Variants in SLC25A48 observed in about 807,000 individuals in gnomAD.
The protein encoded by SLC25A48 is solute carrier family 25 member 48, also known as CTC-321K16.1.
A neutral mutation model predicts 32.2 loss-of-function variants in SLC25A48; 29 were observed. The observed-to-expected ratio is 0.90, with a 90% CI of 0.67 to 1.23. The LOEUF is 1.23. Ranked by LOEUF, SLC25A48 falls within the 50% of genes most tolerant of loss-of-function variation. The pLI, the probability that SLC25A48 is intolerant of heterozygous loss-of-function variation, is 0.00. For missense variants in SLC25A48, 399 were observed against 422.7 expected (o/e 0.94, Z 0.49); for synonymous variants, 164 against 172.3 (o/e 0.95, Z 0.38).
rs1754605786 is a variant in SLC25A48 at position 135,709,623 on chromosome 5, G to A, written c.-521+74667G>A. ...CTGCTACGACAAGAAGCACAGCATG[G>A]TGTCTAAAGGGCAGGGTTATTGGAG... is the stretch of plus-strand genomic sequence containing the variant. On this transcript the variant is annotated intron_variant, in intron 3 of 10. Coordinates refer to the SLC25A48 transcript ENST00000646290. 1.3e-5 allele frequency among the ~76,000 whole-genome samples: 2 copies of A among 152,206 alleles called. 1 individual carries two copies. Among genetic ancestry groups the A allele is most frequent in the African/African-American group, 4.8e-5 (2 of 41,446 alleles).
chr5:135,585,769 A>G (rs1036842480), intron 1 of SLC25A48, among the ~76,000 whole-genome samples: 6 of 151,846 alleles, frequency 4.0e-5, no homozygotes, highest in Non-Finnish European at 7.4e-5. Flanking sequence ...AAAGAAGATA[A>G]TAATAATAAT....
At chr5:135,589,486 G>A (rs1406762422) in intron 1 of SLC25A48, among the ~76,000 whole-genome samples, 1 of 152,162 alleles carries the variant, frequency 6.6e-6, no homozygotes. Context: ...ATGCTGAAGG[G>A]CCAAGGCCCT....
chr5:135,769,629 T>A (rs1756348332), intron 3 of SLC25A48, among the ~76,000 whole-genome samples: 2 of 151,674 alleles, frequency 1.3e-5, no homozygotes. Flanking sequence ...GTTCATAATA[T>A]CCAGTTGGGT....
intron 3 of SLC25A48, among the ~76,000 whole-genome samples, chr5:135,675,994 C>G (rs549170086): frequency 6.6e-6 from 1 of 151,612 alleles, no homozygotes; most frequent in Non-Finnish European, 1.5e-5. Flanking sequence ...TTATTGATTT[C>G]TTTCTTAGCT....
At chr5:135,737,475 A>G (rs2126997343) in intron 3 of SLC25A48, among the ~76,000 whole-genome samples, 1 of 152,360 alleles carries the variant, frequency 6.6e-6, no homozygotes, top group Non-Finnish European at 1.5e-5. Context: ...TCTTGGGCTC[A>G]GAGACCTGAC....
intron 4 of SLC25A48, among the ~76,000 whole-genome samples, chr5:135,869,901 G>GTT (rs1022075110): frequency 6.6e-5 from 10 of 152,158 alleles, no homozygotes; most frequent in Non-Finnish European, 1.3e-4. Flanking sequence ...TATGGCAGGG[G>GTT]TTTACTCCCT....
At chr5:135,719,513 A>G (rs527622498) in intron 3 of SLC25A48, among the ~76,000 whole-genome samples, 1 of 152,182 alleles carries the variant, frequency 6.6e-6, no homozygotes, top group South Asian at 2.1e-4. Context: ...GTGGGGGGAC[A>G]CCAGGAGAGA....
chr5:135,856,960 G>C (rs987971991), intron 4 of SLC25A48, among the ~76,000 whole-genome samples: 1 of 152,194 alleles, frequency 6.6e-6, no homozygotes, highest in Non-Finnish European at 1.5e-5. Flanking sequence ...AAAAGGCTCA[G>C]CAATGAGGCT....
At chr5:135,637,719 G>A (rs1561769285) in intron 3 of SLC25A48, among the ~76,000 whole-genome samples, 2 of 152,242 alleles carry the variant, frequency 1.3e-5, no homozygotes, top group South Asian at 2.1e-4. Context: ...GGTGGGTTAG[G>A]GGGCTCAACC....
At chr5:135,882,914 C>T (rs1379817269) in intron 7 of SLC25A48, 2 of 282,608 alleles carry the variant, frequency 7.1e-6, no homozygotes, top group African/African-American at 2.3e-5. Flanking sequence ...TTTCAAATAG[C>T]CCCGGCAACC....
chr5:135,840,585 A>C (rs995822604), intron 1 of SLC25A48, among the ~76,000 whole-genome samples: 23 of 152,306 alleles, frequency 1.5e-4, no homozygotes, highest in African/African-American at 5.1e-4. Flanking sequence ...ACCTCTTCCC[A>C]GTCCTGGCAA....
At chr5:135,597,753 T>C (rs1751688490) in intron 1 of SLC25A48, among the ~76,000 whole-genome samples, 1 of 152,128 alleles carries the variant, frequency 6.6e-6, no homozygotes, top group African/African-American at 2.4e-5. Flanking sequence ...CCTATAACAC[T>C]AGTACTTTAG....
At chr5:135,694,549 C>A (rs1393184535) in intron 3 of SLC25A48, among the ~76,000 whole-genome samples, 2 of 152,216 alleles carry the variant, frequency 1.3e-5, no homozygotes, top group East Asian at 3.9e-4. Flanking sequence ...TCATTAGCCA[C>A]GTGGAAGCCA....
chr5:135,870,472 G>A (rs897313377), intron 4 of SLC25A48, among the ~76,000 whole-genome samples: 1 of 152,128 alleles, frequency 6.6e-6, no homozygotes, highest in East Asian at 1.9e-4. Flanking sequence ...CTGGCTATGT[G>A]CACCCCTAGA....
At chr5:135,742,576 G>T (rs1755524272) in intron 3 of SLC25A48, 2 of 1,233,580 alleles carry the variant, frequency 1.6e-6, no homozygotes, top group South Asian at 1.3e-5. Context: ...TTTTCTCTTT[G>T]ATTTCCTCTA....
intron 1 of SLC25A48, among the ~76,000 whole-genome samples, chr5:135,836,969 CACCCCCCCCCCCCA>C (rs748453247): frequency 9.4e-5 from 2 of 21,324 alleles, no homozygotes; most frequent in Admixed American, 3.8e-4. Context: ...TCCCCCCCCC[CACCCCCCCCCCCCA>C]CACACACACA....
chr5:135,716,522 C>A (rs941845947), intron 3 of SLC25A48, among the ~76,000 whole-genome samples: 1 of 151,988 alleles, frequency 6.6e-6, no homozygotes, highest in African/African-American at 2.4e-5. Context: ...GCTCTCACTG[C>A]GGATCATTTC....
At chr5:135,800,301 C>A (rs1014310767) in intron 3 of SLC25A48, among the ~76,000 whole-genome samples, 4 of 151,550 alleles carry the variant, frequency 2.6e-5, no homozygotes, top group African/African-American at 9.7e-5. Flanking sequence ...GTGTACAGCC[C>A]GCTTGTGGTA....
intron 4 of SLC25A48, among the ~76,000 whole-genome samples, chr5:135,867,178 G>A (rs1247980777): frequency 1.3e-5 from 2 of 152,122 alleles, no homozygotes; most frequent in South Asian, 2.1e-4. Flanking sequence ...GCTTGAGAAG[G>A]ATATATATCT....
Sources: gnomAD v4.1 joint callset for allele counts (sites outside exome capture counted in the v4.1 genomes callset) on GRCh38, gnomAD v4.1.1 for gene constraint, MANE v1.5 for transcripts, NCBI Gene and HGNC (gene_info 2026-07-23, HGNC 2026-07-21) for gene names.